The following EPHA7 variants were observed in gnomAD, a reference collection of about 807,000 sequenced individuals.
The protein encoded by EPHA7 is ephrin type-A receptor 7.
In EPHA7, 25 loss-of-function variants were observed where a neutral mutation model predicts 112.6. That is an observed-to-expected ratio of 0.22 (90% CI 0.16 to 0.31). The LOEUF (loss-of-function observed/expected upper bound fraction) is 0.31. Among genes scored for constraint, EPHA7 ranks in the 10% least tolerant of loss-of-function variants. The pLI is 1.00. For synonymous variants in EPHA7, 437 were observed against 406.5 expected, an observed-to-expected ratio of 1.07 and a Z score of -0.90; for missense variants, 962 against 1,212.6, an observed-to-expected ratio of 0.79 and a Z score of 3.07.
chr6:93,335,443 T>C (rs1262205045), intron 5 of EPHA7, among the ~76,000 whole-genome samples: 1 of 152,070 alleles, frequency 6.6e-6, no homozygotes, highest in Non-Finnish European at 1.5e-5. Context: ...ATTTATATTA[T>C]AATTCCAAAG....
intron 5 of EPHA7, among the ~76,000 whole-genome samples, chr6:93,279,246 T>A (rs1177974935): frequency 6.6e-6 from 1 of 152,180 alleles, no homozygotes; most frequent in African/African-American, 2.4e-5. Context: ...ATGTTTTACA[T>A]GAATGATATT....
intron 3 of EPHA7, among the ~76,000 whole-genome samples, chr6:93,370,079 T>C (rs1372284494): frequency 6.6e-6 from 1 of 152,178 alleles, no homozygotes; most frequent in Non-Finnish European, 1.5e-5. Flanking sequence ...AACATGATTC[T>C]GTAAGCATCC....
At chr6:93,254,584 G>A (rs745550999) in intron 14 of EPHA7, 63 bp downstream of exon 14, 171 of 1,387,226 alleles carry the variant, frequency 1.2e-4, no homozygotes, top group Non-Finnish European at 1.6e-4. Context: ...TTACCTACAT[G>A]TTCCAGTAAT....
rs1400033028 is a variant in EPHA7, at chr6:93,241,208, A to G, written c.*2218T>C. 4.6e-6 allele frequency: 1 copy of G among 215,832 alleles called. No homozygotes were observed. Among genetic ancestry groups the G allele is most frequent in the African/African-American group, 2.3e-5 (1 of 44,426 alleles). 13.4% of individuals were successfully genotyped at this position (215,832 alleles called of 1,614,324 possible). ...GAATGGCTTTTGTTAATTTAATTTT[A>G]ATAGAAAAAATAAGCACCTTAAGCT... On this transcript the variant is annotated 3_prime_UTR_variant, in exon 17 of 17. Coordinates refer to ENST00000369303, the MANE Select transcript of EPHA7 (RefSeq NM_004440.4).
At chr6:93,248,244 C>A (rs1055632632) in intron 14 of EPHA7, among the ~76,000 whole-genome samples, 1 of 151,654 alleles carries the variant, frequency 6.6e-6, no homozygotes, top group Non-Finnish European at 1.5e-5. Flanking sequence ...TGCTGACATT[C>A]AAAAATAGCA....
intron 3 of EPHA7, among the ~76,000 whole-genome samples, chr6:93,383,020 G>A (rs1777418784): frequency 6.6e-6 from 1 of 151,980 alleles, no homozygotes; most frequent in South Asian, 2.1e-4. Flanking sequence ...TGTTTTAAGA[G>A]CCCGATGTTA....
intron 11 of EPHA7, among the ~76,000 whole-genome samples, 186 bp from the exon 12 acceptor site, chr6:93,257,709 T>G (rs1204959378): frequency 6.6e-6 from 1 of 152,032 alleles, no homozygotes; most frequent in Non-Finnish European, 1.5e-5. Flanking sequence ...ATGGTCATGA[T>G]TCATAAAATT....
chr6:93,349,687 T>A (rs1775590883), intron 5 of EPHA7, among the ~76,000 whole-genome samples: 1 of 151,876 alleles, frequency 6.6e-6, no homozygotes, highest in Non-Finnish European at 1.5e-5. Context: ...AGAAAATATA[T>A]TTTCTCAATA....
chr6:93,402,837 C>G (rs1437036784), intron 3 of EPHA7, among the ~76,000 whole-genome samples: 1 of 151,948 alleles, frequency 6.6e-6, no homozygotes, highest in African/African-American at 2.4e-5. Flanking sequence ...AAACACACTT[C>G]AAGGCCTTCT....
intron 5 of EPHA7, among the ~76,000 whole-genome samples, chr6:93,334,761 C>G (rs1300967174): frequency 1.3e-5 from 2 of 152,040 alleles, no homozygotes; most frequent in East Asian, 1.9e-4. Context: ...CCACAAATAT[C>G]AAGGTTAAAC....
chr6:93,374,073 C>A (rs991714700), intron 3 of EPHA7, among the ~76,000 whole-genome samples: 3 of 152,022 alleles, frequency 2.0e-5, no homozygotes, highest in African/African-American at 7.2e-5. Flanking sequence ...AACATGAAGT[C>A]GCACTAGAGG....
At chr6:93,246,720 G>C (rs189697156) in intron 15 of EPHA7, 72 bp downstream of exon 15, 1 of 1,285,076 alleles carries the variant, frequency 7.8e-7, no homozygotes, top group Admixed American at 1.9e-5. Flanking sequence ...ATTGTGGTGG[G>C]GTGGAGGAGA....
At chr6:93,244,040 C>T (rs1769800898) in intron 16 of EPHA7, among the ~76,000 whole-genome samples, 1 of 151,970 alleles carries the variant, frequency 6.6e-6, no homozygotes, top group African/African-American at 2.4e-5. Context: ...TATTGGTTAT[C>T]TACTTATTTC....
In EPHA7 at chr6:93,246,796, T is replaced by C. The variant is rs1299934025; in HGVS notation, c.2722A>G (p.Ser908Gly). 8 of 1,601,630 alleles carry C rather than the reference T, an allele frequency of 5.0e-6. No homozygotes were observed. The highest frequency in any genetic ancestry group is 6.8e-6 in the Non-Finnish European group (8 of 1,169,526). Residue 908 changes from serine to glycine, a missense_variant, in exon 15 of 17, where the codon AGT (serine) becomes GGT (glycine). By Grantham distance (56) the Ser-to-Gly change is moderately conservative. Transcript: ENST00000369303. ...ATTCCCTTAGGCATTTCTTACCTAC[T>C]ACAAGTTCCCAGGGGAGTTTTCAGA... ...NSLKTPLGTCSRPISPLLDQN... is the reference protein window; with the variant it reads ...NSLKTPLGTCGRPISPLLDQN...
intron 10 of EPHA7, 46 bp from the exon 11 acceptor site, chr6:93,258,330 T>A (rs910961693): frequency 1.3e-6 from 2 of 1,482,802 alleles, no homozygotes; most frequent in Non-Finnish European, 1.8e-6. Flanking sequence ...CTAAATATTG[T>A]AATTTTCTTT....
At chr6:93,403,355 A>G (rs1427830907) in intron 3 of EPHA7, among the ~76,000 whole-genome samples, 4 of 99,946 alleles carry the variant, frequency 4.0e-5, no homozygotes, top group Non-Finnish European at 8.1e-5. Flanking sequence ...CATGGCGGGT[A>G]GGTAAAAAAA....
chr6:93,313,045 T>A (rs1773621251), intron 5 of EPHA7, among the ~76,000 whole-genome samples: 1 of 152,034 alleles, frequency 6.6e-6, no homozygotes, highest in Admixed American at 6.6e-5. Flanking sequence ...CACAGATCAC[T>A]ATGAAAATTA....
Position 93,258,171 on chromosome 6 carries a change from A to T in EPHA7, c.2038T>A (p.Leu680Met). ...GYTEKQRRDF[L>M]CEASIMGQFD... is the part of the protein sequence containing the mutation. ...TGCCCCATGATGCTTGCTTCACACA[A>T]AAAGTCTCTCCTTTGTTTTTCTGTG... The change falls in exon 11 of 17, where the codon TTG becomes ATG. Residue 680 changes from leucine (L) to methionine (M), a missense_variant. Leu to Met is a conservative substitution (Grantham distance 15). Around this residue, in one of 3 missense-constraint regions of EPHA7, gnomAD observed 746 missense variants for 889.2 expected, o/e 0.84. Transcript: ENST00000369303. 6.2e-7 allele frequency: 1 copy of T among 1,613,498 alleles called. No individual in the cohort carries two copies. Among genetic ancestry groups the T allele is most frequent in the Non-Finnish European group, 8.5e-7 (1 of 1,179,694 alleles).
chr6:93,357,296 A>T lies in EPHA7; in HGVS notation c.989-244T>A, dbSNP rs1775998470. Among the ~76,000 whole-genome samples, 3 of 152,200 alleles carry T rather than the reference A, an allele frequency of 2.0e-5. No homozygotes were observed. The South Asian group carries it at 6.2e-4, about 32-fold the overall frequency. Reference sequence around the variant, plus strand: ...ATTTTCCTTTTAATACGTCAAAATGAAAACAGGATAACAACTGTCTTTGTA... The same window carrying T: ...ATTTTCCTTTTAATACGTCAAAATGTAAACAGGATAACAACTGTCTTTGTA... On this transcript the variant is annotated intron_variant, in intron 4 of 16. Coordinates refer to ENST00000369303, the MANE Select transcript of EPHA7 (RefSeq NM_004440.4).
Sources: allele counts gnomAD v4.1 joint callset (sites outside exome capture counted in the v4.1 genomes callset), GRCh38; gene constraint gnomAD v4.1.1; regional missense constraint gnomAD v4.1.1; transcripts MANE v1.5; gene names NCBI Gene and HGNC (gene_info 2026-07-23, HGNC 2026-07-21).